PARP11: variants seen among roughly 807,000 people sequenced by gnomAD.
PARP11 encodes poly(ADP-ribose) polymerase family member 11.
Under a neutral mutation model 42.9 loss-of-function variants are expected in PARP11, and 31 were observed. The observed-to-expected ratio is 0.72, with a 90% confidence interval of 0.54 to 0.98. The LOEUF is 0.98. Ranked by LOEUF, PARP11 falls within the 50% of genes least tolerant of loss-of-function variation. The probability of loss-of-function intolerance (pLI) is 0.00; values close to 1 mark genes in which losing one functional copy is unlikely to be tolerated. For synonymous variants in PARP11, 137 were observed against 127.3 expected, an observed-to-expected ratio of 1.08 and a Z score of -0.51; for missense variants, 365 against 413.1, an observed-to-expected ratio of 0.88 and a Z score of 1.01.
intron 1 of PARP11, among the ~76,000 whole-genome samples, chr12:3,860,292 T>C (rs892054318): frequency 1.3e-5 from 2 of 152,170 alleles, no homozygotes; most frequent in African/African-American, 4.8e-5. Flanking sequence ...GATGGGACCA[T>C]AGAGCAATTC....
chr12:3,866,301 A>T (rs935245206), intron 1 of PARP11, among the ~76,000 whole-genome samples: 1 of 152,044 alleles, frequency 6.6e-6, no homozygotes, highest in African/African-American at 2.4e-5. Flanking sequence ...TTTGTCCATA[A>T]ATTCTCAGTC....
rs1947151780 is a variant in PARP11, at chr12:3,810,646, A to AAGAAG, written c.*1476_*1477insCTTCT. The AAGAAG allele has an allele frequency of 8.2e-6, 1 of 121,582 alleles. No homozygotes were observed. Among genetic ancestry groups the AAGAAG allele is most frequent in the Non-Finnish European group, 1.7e-5 (1 of 60,580 alleles). 7.5% of individuals were successfully genotyped at this position (121,582 alleles called of 1,614,324 possible). A position where few individuals can be genotyped will look rare whatever the true frequency, so the allele number is the denominator to read the frequency against. On this transcript the variant is annotated 3_prime_UTR_variant, in exon 8 of 8. Coordinates refer to ENST00000228820, the MANE Select transcript of PARP11 (RefSeq NM_020367.6). The stretch of plus-strand genomic sequence containing the variant: ...AGGAGGGAGGGAGGGAGGGAGGGAA[A>AAGAAG]GAAGGAAGGAAGGAAGGAAGGAAGG...
At chr12:3,826,940 C>T (rs1338448087) in intron 3 of PARP11, among the ~76,000 whole-genome samples, 1 of 152,192 alleles carries the variant, frequency 6.6e-6, no homozygotes, top group Non-Finnish European at 1.5e-5. Flanking sequence ...TTTATCTCAT[C>T]TAATTGACAT....
Position 3,829,933 on chromosome 12 carries a change from C to T in PARP11, c.104G>A (p.Gly35Asp). Residue 35 changes from glycine (G) to aspartate (D), a missense_variant, in exon 2 of 8, where the codon GGC becomes GAC. Physicochemically the swap from Gly to Asp is moderately conservative, Grantham distance 94. Transcript: ENST00000228820. ...CCCACATTCTGCCAAGTAAAACCAGCCCCACTGGGTATCTGACGTGTCCAT... is the reference window on the plus strand; with the variant it reads ...CCCACATTCTGCCAAGTAAAACCAGTCCCACTGGGTATCTGACGTGTCCAT... ...DDMDTSDTQW[G>D]WFYLAECGKW... is the part of the protein sequence containing the mutation. The T allele has an allele frequency of 1.2e-6, 2 of 1,613,870 alleles. No individual in the cohort carries two copies. Among genetic ancestry groups the T allele is most frequent in the Non-Finnish European group, 1.7e-6 (2 of 1,179,762 alleles).
chr12:3,852,761 A>C (rs559720344), intron 1 of PARP11, among the ~76,000 whole-genome samples: 1 of 152,304 alleles, frequency 6.6e-6, no homozygotes, highest in East Asian at 1.9e-4. Flanking sequence ...GCCAACATTC[A>C]AATTCAGGAA....
chr12:3,832,040 G>C (rs1170191172), intron 1 of PARP11: 3 of 449,838 alleles, frequency 6.7e-6, no homozygotes, highest in Non-Finnish European at 2.9e-6. Flanking sequence ...TATTAGAAAA[G>C]AGAATAGAAA....
chr12:3,864,392 T>C (rs979127936), intron 1 of PARP11, among the ~76,000 whole-genome samples: 6 of 152,254 alleles, frequency 3.9e-5, no homozygotes, highest in Admixed American at 3.9e-4. Context: ...TGTAGTTTTC[T>C]ATGATGGGTT....
intron 1 of PARP11, chr12:3,872,808 T>C (rs1948514224): frequency 1.0e-6 from 1 of 985,176 alleles, no homozygotes; most frequent in Non-Finnish European, 1.2e-6. Flanking sequence ...CAAAAAACAG[T>C]GAAGGCAGTC....
At chr12:3,836,769 A>C (rs918109177) in intron 1 of PARP11, among the ~76,000 whole-genome samples, 53 of 152,340 alleles carry the variant, frequency 3.5e-4, no homozygotes, top group African/African-American at 1.3e-3. Flanking sequence ...GACAGTTCCC[A>C]GGGACACAGA....
intron 1 of PARP11, chr12:3,842,242 G>C: frequency 6.2e-7 from 1 of 1,605,236 alleles, no homozygotes; most frequent in East Asian, 2.2e-5. Flanking sequence ...AAAGAAGAGA[G>C]TTCAGAAAAT....
At chr12:3,826,547 G>T (rs1947531053) in intron 3 of PARP11, among the ~76,000 whole-genome samples, 2 of 152,330 alleles carry the variant, frequency 1.3e-5, no homozygotes, top group Middle Eastern at 6.8e-3. Flanking sequence ...ACTAAACTAG[G>T]AGAGTTCTAA....
At chr12:3,814,795 T>C (rs1271271387) in intron 6 of PARP11, among the ~76,000 whole-genome samples, 1 of 151,854 alleles carries the variant, frequency 6.6e-6, no homozygotes, top group Non-Finnish European at 1.5e-5. Flanking sequence ...GAAATGAATA[T>C]AGTCATGTAT....
At chr12:3,852,857 A>G (rs1186566089) in intron 1 of PARP11, among the ~76,000 whole-genome samples, 3 of 152,108 alleles carry the variant, frequency 2.0e-5, no homozygotes, top group African/African-American at 7.2e-5. Context: ...GAAATGAAGG[A>G]AAAAAATGTT....
chr12:3,842,809 T>C (rs1323277301), intron 1 of PARP11, among the ~76,000 whole-genome samples: 1 of 152,220 alleles, frequency 6.6e-6, no homozygotes, highest in Non-Finnish European at 1.5e-5. Flanking sequence ...TATAAAACAT[T>C]ATAGATTTAG....
chr12:3,834,304 G>A (rs148747146), intron 1 of PARP11, among the ~76,000 whole-genome samples: 607 of 152,262 alleles, frequency 4.0e-3, no homozygotes, highest in Non-Finnish European at 5.4e-3. Context: ...ACTTTATTTG[G>A]AACAGAGAGC....
chr12:3,873,261 TGGGAAGGGGCTAGCCGCGGGGCCTG>T lies in PARP11; in HGVS notation c.-57_-33del, dbSNP rs1486436663. The T allele has an allele frequency of 3.2e-6, 5 of 1,546,040 alleles. No homozygotes were observed. The East Asian group carries it at 1.2e-4, about 38-fold the overall frequency. On this transcript the variant is annotated 5_prime_UTR_variant, in exon 1 of 8. Coordinates refer to ENST00000228820, the MANE Select transcript of PARP11 (RefSeq NM_020367.6). The stretch of plus-strand genomic sequence containing the variant: ...GACAAAATCGAGCGGAGAGAGCCTG[TGGGAAGGGGCTAGCCGCGGGGCCTG>T]GGTGTTGGATTTTTTTTTTTCCCGC...
chr12:3,857,588 G>A (rs76964954), intron 1 of PARP11, among the ~76,000 whole-genome samples: 2,607 of 151,630 alleles, frequency 0.017, 29 homozygotes, highest in Non-Finnish European at 0.026. Context: ...AAAACCTCAC[G>A]TCCTCACTGT....
At position 3,829,025 on chromosome 12, in the gene PARP11, A is replaced by G; in HGVS notation, c.153T>C (p.Asp51=). Residue 51 remains aspartate (D), a synonymous_variant, in exon 3 of 8, where the codon GAT becomes GAC. Coordinates refer to ENST00000228820, the MANE Select transcript of PARP11 (RefSeq NM_020367.6). ...TGCTAACTGAACACTGACTGTTGGT[A>G]TCCGGCTTTAAGACAAACCAGAAAG... The part of the protein sequence containing the change: ...ECGKWHMFQP[D]TNSQCSVSSE... 4 of 1,613,966 alleles carry G rather than the reference A, an allele frequency of 2.5e-6. No homozygotes were observed. The South Asian group carries it at 3.3e-5, about 13-fold the overall frequency.
At chr12:3,852,958 A>C (rs1044756873) in intron 1 of PARP11, among the ~76,000 whole-genome samples, 4 of 152,224 alleles carry the variant, frequency 2.6e-5, no homozygotes. Context: ...TACAAGCCAG[A>C]AGAGGGTGGG....
Sources: gnomAD v4.1 joint callset for allele counts (sites outside exome capture counted in the v4.1 genomes callset) on GRCh38, gnomAD v4.1.1 for gene constraint, MANE v1.5 for transcripts, NCBI Gene and HGNC (gene_info 2026-07-23, HGNC 2026-07-21) for gene names.